Variants in C12orf76 observed in about 807,000 individuals in gnomAD.
C12orf76 encodes the protein uncharacterized protein C12orf76.
A neutral mutation model predicts 6.8 loss-of-function variants in C12orf76; 6 were observed. The ratio of observed to expected loss-of-function variants is 0.88; its 90% confidence interval spans 0.48 to 1.73. C12orf76 has a LOEUF of 1.73. C12orf76 is among the 40% of genes most tolerant of loss of function. The pLI, the probability that C12orf76 is intolerant of heterozygous loss-of-function variation, is 0.01. For missense variants in C12orf76, 99 were observed against 98.2 expected (o/e 1.01, Z -0.03); for synonymous variants, 56 against 43.7 (o/e 1.28, Z -1.11).
chr12:110,046,130 T>C (rs1477888844), intron 1 of C12orf76, among the ~76,000 whole-genome samples: 3 of 151,908 alleles, frequency 2.0e-5, no homozygotes, highest in African/African-American at 7.3e-5. Flanking sequence ...AGGCAGAACC[T>C]TAAAAGAATG....
At chr12:110,057,346 A>T in intron 3 of C12orf76, 1 of 1,217,794 alleles carries the variant, frequency 8.2e-7, no homozygotes, top group Non-Finnish European at 1.2e-6. Flanking sequence ...CTCCAAAGTG[A>T]ACTGCCCTCA....
intron 1 of C12orf76, among the ~76,000 whole-genome samples, chr12:110,046,572 T>A (rs1418167996): frequency 6.6e-6 from 1 of 152,240 alleles, no homozygotes; most frequent in Non-Finnish European, 1.5e-5. Flanking sequence ...ACCAGTTCCC[T>A]TCATCTGCAA....
At chr12:110,062,407 G>A (rs1248822926) in intron 2 of C12orf76, among the ~76,000 whole-genome samples, 1 of 152,182 alleles carries the variant, frequency 6.6e-6, no homozygotes, top group African/African-American at 2.4e-5. Flanking sequence ...TGCCTGGGTT[G>A]AGCAACCATG....
At chr12:110,069,115 G>A (rs1892929741), upstream of C12orf76, among the ~76,000 whole-genome samples, 1 of 152,148 alleles carries the variant, frequency 6.6e-6, no homozygotes, top group African/African-American at 2.4e-5. Context: ...TTACATGGAG[G>A]TTATCTTCTA....
chr12:110,072,554 C>T (rs1029684842), upstream of C12orf76, among the ~76,000 whole-genome samples: 1 of 151,062 alleles, frequency 6.6e-6, no homozygotes, highest in African/African-American at 2.4e-5. Flanking sequence ...GCTTGCACAA[C>T]TCTGTGAATA....
chr12:110,059,000 G>A lies in C12orf76; in HGVS notation n.544C>T, dbSNP rs1162139440. The A allele has an allele frequency of 7.1e-6, 11 of 1,547,548 alleles. 1 individual carries two copies. Among genetic ancestry groups the A allele is most frequent in the East Asian group, 4.9e-5 (2 of 40,882 alleles). On this transcript the variant is annotated non_coding_transcript_exon_variant, in exon 3 of 5. Transcript: ENST00000309050. Reference sequence around the variant, plus strand: ...GTGCTAGTATTACCTCCACCTAATAGCCGAACAAACTGTGGTATGAATGAA... The same window carrying A: ...GTGCTAGTATTACCTCCACCTAATAACCGAACAAACTGTGGTATGAATGAA...
upstream of C12orf76, chr12:110,050,602 C>G (rs990933314): frequency 4.9e-6 from 1 of 204,200 alleles, no homozygotes; most frequent in Admixed American, 5.3e-5. Context: ...CTCCCAGCAG[C>G]GCCATGACAG....
chr12:110,066,993 C>G (rs10849698), intron 1 of C12orf76, among the ~76,000 whole-genome samples: 46,053 of 152,106 alleles, frequency 0.3, 10,138 homozygotes, highest in African/African-American at 0.63. Flanking sequence ...AGAAGCAGCA[C>G]CTGTGAGTGG....
At chr12:110,050,410 C>A (rs1259855928), upstream of C12orf76, 1 of 153,814 alleles carries the variant, frequency 6.5e-6, no homozygotes, top group Non-Finnish European at 1.4e-5. Context: ...AGGCTGAAAC[C>A]TACTGGGCTG....
At chr12:110,048,570 G>C, upstream of C12orf76, 1 of 1,340,272 alleles carries the variant, frequency 7.5e-7, no homozygotes, top group East Asian at 3.1e-5. Context: ...AGGTCTCTCT[G>C]CGTCGCTGCC....
chr12:110,061,440 G>A (rs2137233866), intron 2 of C12orf76, among the ~76,000 whole-genome samples: 1 of 151,892 alleles, frequency 6.6e-6, no homozygotes, highest in Middle Eastern at 3.4e-3. Context: ...GTCACCATCA[G>A]CTTTCCTATC....
At chr12:110,060,349 G>A (rs546564222) in intron 2 of C12orf76, among the ~76,000 whole-genome samples, 41 of 152,090 alleles carry the variant, frequency 2.7e-4, no homozygotes, top group Middle Eastern at 3.4e-3. Context: ...TCACTCCTCC[G>A]CCCACTCCAG....
At chr12:110,070,598 T>G (rs994366843), upstream of C12orf76, among the ~76,000 whole-genome samples, 1 of 151,956 alleles carries the variant, frequency 6.6e-6, no homozygotes, top group African/African-American at 2.4e-5. Flanking sequence ...AAGAAAGAAA[T>G]TGTATGCTGG....
At chr12:110,049,117 T>A (rs1049387100), upstream of C12orf76, 3 of 152,246 alleles carry the variant, frequency 2.0e-5, no homozygotes, top group African/African-American at 7.2e-5. Flanking sequence ...AGCACAGCGA[T>A]TTTGTTCTTG....
intron 3 of C12orf76, among the ~76,000 whole-genome samples, chr12:110,058,049 G>A: frequency 8.7e-6 from 1 of 115,080 alleles, no homozygotes. Context: ...CTGAGCAACA[G>A]AGAGAGACTC....
At chr12:110,068,264 A>AGAAGAAGAG (rs1892906927), upstream of C12orf76, among the ~76,000 whole-genome samples, 3 of 113,260 alleles carry the variant, frequency 2.6e-5, no homozygotes, top group African/African-American at 9.6e-5. Flanking sequence ...AAGAAGAAGA[A>AGAAGAAGAG]GAAGAAGAAG....
upstream of C12orf76, among the ~76,000 whole-genome samples, chr12:110,071,120 G>A (rs1892956107): frequency 6.6e-6 from 1 of 152,036 alleles, no homozygotes; most frequent in Non-Finnish European, 1.5e-5. Context: ...AGTAAAAATA[G>A]GAATCAAATA....
At chr12:110,045,325 G>A (rs2137215662) in intron 1 of C12orf76, among the ~76,000 whole-genome samples, 1 of 152,322 alleles carries the variant, frequency 6.6e-6, no homozygotes, top group South Asian at 2.1e-4. Context: ...GTGCGCAGCG[G>A]CTCAAGCCTG....
chr12:110,069,831 C>A (rs1018448756), upstream of C12orf76, among the ~76,000 whole-genome samples: 4 of 152,162 alleles, frequency 2.6e-5, no homozygotes, highest in African/African-American at 9.7e-5. Flanking sequence ...CCCCATGGAA[C>A]ATGTATAACT....
Sources: gnomAD v4.1 joint callset for allele counts (sites outside exome capture counted in the v4.1 genomes callset) on GRCh38, gnomAD v4.1.1 for gene constraint, MANE v1.5 for transcripts, NCBI Gene and HGNC (gene_info 2026-07-23, HGNC 2026-07-21) for gene names.